Variants in SUGCT observed in about 807,000 individuals in gnomAD.
SUGCT encodes succinyl-CoA:glutarate CoA-transferase.
A neutral mutation model predicts 55.0 loss-of-function variants in SUGCT; 41 were observed. That is an observed-to-expected ratio of 0.74 (90% CI 0.58 to 0.97). The LOEUF is 0.97. Among genes scored for constraint, SUGCT ranks in the 50% least tolerant of loss-of-function variants. The pLI is 0.00. For missense variants in SUGCT, 568 were observed against 547.8 expected (o/e 1.04, Z -0.37); for synonymous variants, 187 against 200.4 (o/e 0.93, Z 0.56).
chr7:40,929,165 C>T, the SUGCT span, among the ~76,000 whole-genome samples: 1 of 151,534 alleles, frequency 6.6e-6, no homozygotes, highest in African/African-American at 2.4e-5. Context: ...TGAGTGAGAA[C>T]ATGCGGTGTT....
chr7:40,170,831 C>T (rs6974725), intron 1 of SUGCT, among the ~76,000 whole-genome samples: 32,065 of 152,008 alleles, frequency 0.21, 3,932 homozygotes, highest in Non-Finnish European at 0.27. Context: ...GAATAGTTAA[C>T]GCTTACTGAT....
At chr7:40,513,485 A>C (rs1428416772) in intron 12 of SUGCT, among the ~76,000 whole-genome samples, 1 of 152,134 alleles carries the variant, frequency 6.6e-6, no homozygotes, top group African/African-American at 2.4e-5. Flanking sequence ...GTTCTGTGAT[A>C]AGATTCAGTT....
the SUGCT span, among the ~76,000 whole-genome samples, chr7:40,977,934 C>A: frequency 6.6e-6 from 1 of 152,160 alleles, no homozygotes; most frequent in Non-Finnish European, 1.5e-5. Flanking sequence ...GCCTGATGAA[C>A]CTGCCACTTG....
chr7:40,234,440 C>T (rs745715423), intron 6 of SUGCT, among the ~76,000 whole-genome samples: 3 of 152,098 alleles, frequency 2.0e-5, no homozygotes, highest in Non-Finnish European at 4.4e-5. Context: ...TAAAACTTGG[C>T]GTTATTTCTG....
intron 13 of SUGCT, among the ~76,000 whole-genome samples, chr7:40,792,865 C>T (rs760114923): frequency 3.9e-5 from 6 of 151,978 alleles, no homozygotes; most frequent in Non-Finnish European, 7.4e-5. Flanking sequence ...ACAAGTTGTT[C>T]CCAAATTTTT....
At chr7:40,899,953 C>T in the SUGCT span, among the ~76,000 whole-genome samples, 1 of 152,286 alleles carries the variant, frequency 6.6e-6, no homozygotes, top group African/African-American at 2.4e-5. Flanking sequence ...TGGAGTTTCG[C>T]AGGATCTGGC....
At chr7:40,616,897 A>G (rs1175463334) in intron 12 of SUGCT, among the ~76,000 whole-genome samples, 1 of 152,204 alleles carries the variant, frequency 6.6e-6, no homozygotes, top group African/African-American at 2.4e-5. Flanking sequence ...GTCCTGGAAA[A>G]GTCTATATTT....
chr7:40,837,048 C>T (rs1793020548), intron 13 of SUGCT, among the ~76,000 whole-genome samples: 1 of 152,070 alleles, frequency 6.6e-6, no homozygotes. Context: ...AATTTTATAT[C>T]CCCAACAGCA....
At chr7:40,287,462 A>G (rs991076699) in intron 8 of SUGCT, among the ~76,000 whole-genome samples, 2 of 151,402 alleles carry the variant, frequency 1.3e-5, no homozygotes, top group Non-Finnish European at 2.9e-5. Context: ...GTCTTTCACC[A>G]TTATGTATGA....
intron 1 of SUGCT, chr7:40,153,477 G>A (rs1283375914): frequency 2.8e-6 from 1 of 360,164 alleles, no homozygotes; most frequent in Non-Finnish European, 5.4e-6. Context: ...ATTGACTAAA[G>A]CGAGTCTCCA....
At chr7:40,980,369 C>A in the SUGCT span, among the ~76,000 whole-genome samples, 1 of 152,120 alleles carries the variant, frequency 6.6e-6, no homozygotes, top group Non-Finnish European at 1.5e-5. Flanking sequence ...CCCTTTTGCC[C>A]CCCCAAATTC....
the SUGCT span, among the ~76,000 whole-genome samples, chr7:40,933,848 A>T: frequency 6.6e-6 from 1 of 152,060 alleles, no homozygotes; most frequent in Non-Finnish European, 1.5e-5. Context: ...CCTTTTTTCA[A>T]GGTTTTTAGC....
chr7:40,964,108 T>TCCTATCAATCC, the SUGCT span, among the ~76,000 whole-genome samples: 2 of 152,224 alleles, frequency 1.3e-5, no homozygotes, highest in Non-Finnish European at 2.9e-5. Flanking sequence ...TATCAAAATG[T>TCCTATCAATCC]CCTATCAATC....
the SUGCT span, among the ~76,000 whole-genome samples, chr7:41,013,962 A>T: frequency 6.6e-6 from 1 of 152,162 alleles, no homozygotes; most frequent in Non-Finnish European, 1.5e-5. Context: ...GACTGAACCC[A>T]CAAACCTGGG....
At position 40,449,209 on chromosome 7, in the gene SUGCT, A is replaced by G. The variant is rs1789051799; in HGVS notation, c.817-78A>G. ...CATTGCTTTAGAACAAGCTTTCTAT[A>G]TAGATATTTTAGAAATTAAACTTTT... On this transcript the variant is annotated intron_variant, in intron 9 of 13. Coordinates refer to ENST00000335693, the MANE Select transcript of SUGCT (RefSeq NM_001193313.2). 6 of 912,692 alleles carry G rather than the reference A, an allele frequency of 6.6e-6. No individual in the cohort carries two copies. In the East Asian group the frequency reaches 1.6e-4, roughly 24 times the overall value. 56.5% of individuals were successfully genotyped at this position (912,692 alleles called of 1,614,324 possible).
At chr7:40,374,260 G>A (rs1018744165) in intron 9 of SUGCT, among the ~76,000 whole-genome samples, 10 of 152,278 alleles carry the variant, frequency 6.6e-5, no homozygotes, top group African/African-American at 2.4e-4. Flanking sequence ...GTTAATATTT[G>A]TATGTTGCTT....
At chr7:40,520,244 A>G (rs900691909) in intron 12 of SUGCT, among the ~76,000 whole-genome samples, 2 of 152,144 alleles carry the variant, frequency 1.3e-5, no homozygotes, top group Non-Finnish European at 2.9e-5. Flanking sequence ...GAATTTTGAT[A>G]GTTTTCAACA....
At chr7:40,945,780 C>A in the SUGCT span, among the ~76,000 whole-genome samples, 1 of 152,144 alleles carries the variant, frequency 6.6e-6, no homozygotes, top group Non-Finnish European at 1.5e-5. Flanking sequence ...TCCCTGAGGG[C>A]CAAACTACTG....
At chr7:40,801,399 T>C (rs1166465377) in intron 13 of SUGCT, among the ~76,000 whole-genome samples, 1 of 152,196 alleles carries the variant, frequency 6.6e-6, no homozygotes, top group East Asian at 1.9e-4. Context: ...CTTATTCTCA[T>C]AGGCTTGGGT....
Sources: gnomAD v4.1 joint callset for allele counts (sites outside exome capture counted in the v4.1 genomes callset) on GRCh38, gnomAD v4.1.1 for gene constraint, MANE v1.5 for transcripts, NCBI Gene and HGNC (gene_info 2026-07-23, HGNC 2026-07-21) for gene names.